The following BPIFB4 variants were observed in gnomAD, a reference collection of about 807,000 sequenced individuals.
BPIFB4 encodes the protein BPI fold containing family B member 4, also known as BPI fold-containing family B member 4.
Under a neutral mutation model 69.2 loss-of-function variants are expected in BPIFB4, and 62 were observed. That is an observed-to-expected ratio of 0.90 (90% confidence interval 0.73 to 1.11). BPIFB4 has a LOEUF of 1.11. BPIFB4 is among the 50% of genes least tolerant of loss of function. The pLI is 0.00. For missense variants in BPIFB4, 789 were observed against 792.0 expected, an observed-to-expected ratio of 1.00 and a Z score of 0.04; for synonymous variants, 330 against 332.7, an observed-to-expected ratio of 0.99 and a Z score of 0.09.
chr20:33,088,871 G>C, intron 7 of BPIFB4, 95 bp from the exon 8 acceptor site: 1 of 1,591,348 alleles, frequency 6.3e-7, no homozygotes, highest in Non-Finnish European at 8.6e-7. Context: ...GGTTCTCACT[G>C]TTCAGAGCCT....
chr20:33,085,767 C>A (rs1321738462), intron 6 of BPIFB4, among the ~76,000 whole-genome samples: 2 of 152,170 alleles, frequency 1.3e-5, no homozygotes, highest in Non-Finnish European at 2.9e-5. Flanking sequence ...CCAAGCTAGG[C>A]AATTGGGAGT....
Position 33,083,677 on chromosome 20 carries a change from A to C in BPIFB4, c.480A>C (p.Gly160=). The C allele has an allele frequency of 9.9e-6, 16 of 1,613,976 alleles. No individual in the cohort carries two copies. The highest frequency in any genetic ancestry group is 1.4e-5 in the Non-Finnish European group (16 of 1,179,968). ...TGCAGCCTGGAGAAATCCCACCTGGAGTTGCCACTGGGGCGGTGGGCCCAG... is the reference window on the plus strand; with the variant it reads ...TGCAGCCTGGAGAAATCCCACCTGGCGTTGCCACTGGGGCGGTGGGCCCAG... ...RELQPGEIPP[G]VATGAVGPGG... Residue 160 remains glycine (G), a synonymous_variant, in exon 5 of 18, where the codon GGA becomes GGC. Coordinates refer to ENST00000375483, the MANE Select transcript of BPIFB4 (RefSeq NM_182519.3).
In BPIFB4 at chr20:33,111,713, G is replaced by A. The variant is rs1265239032; in HGVS notation, c.*276G>A. On this transcript the variant is annotated 3_prime_UTR_variant, in exon 18 of 18. Coordinates refer to ENST00000375483, the MANE Select transcript of BPIFB4 (RefSeq NM_182519.3). ...AGACCCCATCCTGACAGCAGGTTGA[G>A]TATTCCCACTTTCAATAAAAGACTC... 1 of 458,068 alleles carries A rather than the reference G, an allele frequency of 2.2e-6. No individual in the cohort carries two copies. The highest frequency in any genetic ancestry group is 4.0e-6 in the Non-Finnish European group (1 of 251,822). The allele number at this position is 458,068 out of a possible 1,614,324, so 28.4% of individuals were successfully genotyped here. A position where few individuals can be genotyped will look rare whatever the true frequency, so the allele number is the denominator to read the frequency against.
chr20:33,088,065 TC>T (rs1352763154), intron 7 of BPIFB4, among the ~76,000 whole-genome samples: 1 of 152,166 alleles, frequency 6.6e-6, no homozygotes, highest in Non-Finnish European at 1.5e-5. Flanking sequence ...TGATCATGTT[TC>T]CTTCGTCTTC....
At position 33,097,519 on chromosome 20, in the gene BPIFB4, T is replaced by C. The variant is rs915046803; in HGVS notation, c.1399-98T>C. 3.4e-5 allele frequency: 45 copies of C among 1,319,282 alleles called. No individual in the cohort carries two copies. In the African/African-American group the frequency reaches 6.0e-4, roughly 18 times the overall value. 81.7% of individuals were successfully genotyped at this position (1,319,282 alleles called of 1,614,324 possible). ...TGTGGTTTGTTGGACTCAAGCAACA[T>C]GAGACCCCGGTGCTCTGTGTTTAGA... On this transcript the variant is annotated intron_variant, in intron 12 of 17. Transcript: ENST00000375483.
rs537426228 is a variant in BPIFB4, at chr20:33,093,857, TC to T, written c.1344+1201del. ...ATTCATCCATCCATCCATCCATCCA[TC>T]CATCCACCAATCCATCCATCCATTT... is the stretch of plus-strand genomic sequence containing the variant. On this transcript the variant is annotated intron_variant, in intron 11 of 17. Coordinates refer to ENST00000375483, the MANE Select transcript of BPIFB4 (RefSeq NM_182519.3). Among the ~76,000 whole-genome samples the T allele has an allele frequency of 6.4e-3, 975 of 152,060 alleles. 9 individuals are homozygous for T. Among genetic ancestry groups the T allele is most frequent in the African/African-American group, 0.022 (901 of 41,472 alleles).
chr20:33,094,270 T>C lies in BPIFB4; in HGVS notation c.1345-830T>C, dbSNP rs73615628. Among the ~76,000 whole-genome samples the C allele has an allele frequency of 4.0e-3, 609 of 152,358 alleles. 11 individuals are homozygous for C. In the East Asian group the frequency reaches 0.049, roughly 12 times the overall value. Reference sequence around the variant, plus strand: ...GGTAATGGCATTATTTTGTTTTTATTGTATTTGGTTTTACAGTTGCCATCT... The same window carrying C: ...GGTAATGGCATTATTTTGTTTTTATCGTATTTGGTTTTACAGTTGCCATCT... On this transcript the variant is annotated intron_variant, in intron 11 of 17. Coordinates refer to ENST00000375483, the MANE Select transcript of BPIFB4 (RefSeq NM_182519.3).
intron 16 of BPIFB4, 43 bp downstream of exon 16, chr20:33,104,916 G>A (rs764381546): frequency 1.9e-6 from 3 of 1,584,900 alleles, no homozygotes; most frequent in East Asian, 2.2e-5. Flanking sequence ...TTGTGGCTTG[G>A]GTACTGGGGG....
intron 16 of BPIFB4, 35 bp from the exon 17 acceptor site, chr20:33,107,709 C>T: frequency 6.5e-7 from 1 of 1,547,448 alleles, no homozygotes; most frequent in Non-Finnish European, 8.9e-7. Context: ...ACCTCTTGGA[C>T]CACTGACCAT....
Position 33,100,506 on chromosome 20 carries a change from G to A in BPIFB4, c.1637+13G>A, listed in dbSNP as rs1483339264. 6.2e-7 allele frequency: 1 copy of A among 1,604,622 alleles called. No individual in the cohort carries two copies. The highest frequency in any genetic ancestry group is 8.5e-7 in the Non-Finnish European group (1 of 1,171,566). ...CCAAGCTGGAGAAGTAAGGGGCTAT[G>A]CTGCCTTGGGGTCCTGACGGTGCTG... On this transcript the variant is annotated intron_variant, in intron 14 of 17. Coordinates refer to ENST00000375483, the MANE Select transcript of BPIFB4 (RefSeq NM_182519.3).
chr20:33,097,874 C>G, intron 13 of BPIFB4, 87 bp downstream of exon 13: 1 of 1,359,722 alleles, frequency 7.4e-7, no homozygotes, highest in Non-Finnish European at 1.0e-6. Context: ...CCCTTCAAAT[C>G]CCCTCAATCT....
At chr20:33,085,559 T>G (rs1338421460) in intron 6 of BPIFB4, among the ~76,000 whole-genome samples, 1 of 152,210 alleles carries the variant, frequency 6.6e-6, no homozygotes, top group Non-Finnish European at 1.5e-5. Context: ...AGTCCCCCAG[T>G]GTCACTAAAT....
intron 3 of BPIFB4, 79 bp downstream of exon 3, chr20:33,081,711 C>T (rs221984): frequency 0.1 from 157,914 of 1,522,200 alleles, 8,777 homozygotes; most frequent in African/African-American, 0.12. Context: ...ACCCAGGAAC[C>T]TCCTCCTGCT....
At chr20:33,102,177 G>A (rs1195265515) in intron 14 of BPIFB4, among the ~76,000 whole-genome samples, 2 of 152,234 alleles carry the variant, frequency 1.3e-5, no homozygotes, top group Non-Finnish European at 2.9e-5. Flanking sequence ...ATACTGTGGG[G>A]TGCGGTGCCT....
At chr20:33,100,041 C>G (rs909496908) in intron 13 of BPIFB4, among the ~76,000 whole-genome samples, 2 of 152,114 alleles carry the variant, frequency 1.3e-5, no homozygotes, top group Non-Finnish European at 2.9e-5. Context: ...TCATAGGCTA[C>G]GAGCCACTCC....
At chr20:33,085,093 G>T in intron 6 of BPIFB4, 97 bp downstream of exon 6, 1 of 1,509,160 alleles carries the variant, frequency 6.6e-7, no homozygotes, top group South Asian at 1.3e-5. Flanking sequence ...TTCTGCCAGT[G>T]CATGCCCACA....
At chr20:33,103,120 G>T (rs1022921090) in intron 15 of BPIFB4, 106 bp downstream of exon 15, 2 of 1,313,082 alleles carry the variant, frequency 1.5e-6, no homozygotes, top group African/African-American at 2.9e-5. Context: ...TGGGGAGTTT[G>T]TGAATTCCAA....
intron 16 of BPIFB4, among the ~76,000 whole-genome samples, chr20:33,105,962 C>T (rs1289012403): frequency 6.6e-6 from 1 of 152,170 alleles, no homozygotes; most frequent in Non-Finnish European, 1.5e-5. Flanking sequence ...GGTCCATAGT[C>T]CCCAAAGTGA....
intron 7 of BPIFB4, 64 bp from the exon 8 acceptor site, chr20:33,088,902 G>A (rs576611906): frequency 5.0e-6 from 8 of 1,609,274 alleles, no homozygotes; most frequent in African/African-American, 4.0e-5. Flanking sequence ...CCCACAGGGT[G>A]GACAGCCTTG....
Sources: allele counts gnomAD v4.1 joint callset (sites outside exome capture counted in the v4.1 genomes callset), GRCh38; gene constraint gnomAD v4.1.1; transcripts MANE v1.5; gene names NCBI Gene and HGNC (gene_info 2026-07-23, HGNC 2026-07-21).